NGEF: variants seen among roughly 807,000 people sequenced by gnomAD.
NGEF encodes the protein ephexin-1.
Under a neutral mutation model 80.9 loss-of-function variants are expected in NGEF, and 31 were observed. The observed-to-expected ratio is 0.38, with a 90% CI of 0.29 to 0.52. The LOEUF (loss-of-function observed/expected upper bound fraction) is 0.52, where lower values mean the gene tolerates loss of function less well. Ranked by LOEUF, NGEF falls within the 20% of genes least tolerant of loss-of-function variation. The pLI is 0.84. For missense variants in NGEF, 709 were observed against 926.2 expected, an observed-to-expected ratio of 0.77 and a Z score of 3.04; for synonymous variants, 371 against 370.2, an observed-to-expected ratio of 1.00 and a Z score of -0.03.
chr2:232,885,504 CCAGTCT>C, intron 9 of NGEF, 135 bp from the exon 10 acceptor site: 1 of 709,374 alleles, frequency 1.4e-6, no homozygotes, highest in Non-Finnish European at 2.4e-6. Flanking sequence ...GGCTGGCTGG[CCAGTCT>C]CAGTCGGACT....
At chr2:232,942,483 A>G (rs1454070867) in intron 3 of NGEF, among the ~76,000 whole-genome samples, 1 of 152,206 alleles carries the variant, frequency 6.6e-6, no homozygotes, top group African/African-American at 2.4e-5. Context: ...AGACAGGGAC[A>G]TCTTCCAGAC....
intron 3 of NGEF, among the ~76,000 whole-genome samples, chr2:232,932,770 G>A (rs551197949): frequency 3.3e-5 from 5 of 152,122 alleles, no homozygotes; most frequent in Non-Finnish European, 7.4e-5. Flanking sequence ...ATCCTCATGC[G>A]TTAGAAAGAG....
intron 4 of NGEF, among the ~76,000 whole-genome samples, chr2:232,926,632 T>C (rs1693073628): frequency 6.6e-6 from 1 of 152,108 alleles, no homozygotes; most frequent in Non-Finnish European, 1.5e-5. Context: ...CGCCTCCTCC[T>C]CTAGCCCAAC....
At chr2:232,932,854 A>G (rs536960926) in intron 3 of NGEF, among the ~76,000 whole-genome samples, 1 of 152,150 alleles carries the variant, frequency 6.6e-6, no homozygotes, top group African/African-American at 2.4e-5. Flanking sequence ...CTTTAATCCC[A>G]GCACTTTGAA....
chr2:232,928,017 G>T, intron 3 of NGEF: 1 of 1,210,526 alleles, frequency 8.3e-7, no homozygotes, highest in Non-Finnish European at 1.0e-6. Context: ...GCGGCGGGGC[G>T]GGTGCGGGGG....
intron 12 of NGEF, among the ~76,000 whole-genome samples, chr2:232,882,498 G>A: frequency 6.6e-6 from 1 of 152,372 alleles, no homozygotes; most frequent in African/African-American, 2.4e-5. Flanking sequence ...ATGTTCCCCT[G>A]TGATGCTTTC....
At chr2:232,972,405 T>C (rs899680761) in intron 2 of NGEF, among the ~76,000 whole-genome samples, 3 of 152,240 alleles carry the variant, frequency 2.0e-5, no homozygotes, top group African/African-American at 4.8e-5. Flanking sequence ...CCCATTTATT[T>C]GTACTTTTTA....
chr2:232,887,217 A>G (rs1277457527), intron 9 of NGEF, among the ~76,000 whole-genome samples: 1 of 152,196 alleles, frequency 6.6e-6, no homozygotes, highest in Non-Finnish European at 1.5e-5. Flanking sequence ...GTGCCCTAGC[A>G]CAGCTGTCAA....
chr2:232,957,290 G>C (rs1440858336), intron 3 of NGEF, among the ~76,000 whole-genome samples: 1 of 152,106 alleles, frequency 6.6e-6, no homozygotes, highest in Non-Finnish European at 1.5e-5. Context: ...CCCAGAGCCT[G>C]TTGTTGCTGT....
chr2:232,934,609 C>G (rs1693291215), intron 3 of NGEF, among the ~76,000 whole-genome samples: 1 of 152,168 alleles, frequency 6.6e-6, no homozygotes, highest in African/African-American at 2.4e-5. Context: ...TTAAAATCTC[C>G]TTTTAACTGA....
intron 5 of NGEF, among the ~76,000 whole-genome samples, chr2:232,919,477 TC>T (rs1692888249): frequency 6.6e-6 from 1 of 152,090 alleles, no homozygotes; most frequent in Admixed American, 6.6e-5. Context: ...TTTTTAAATT[TC>T]ACAATTAACA....
chr2:232,883,113 G>A (rs1276846976), intron 12 of NGEF, among the ~76,000 whole-genome samples, 198 bp downstream of exon 12: 2 of 151,994 alleles, frequency 1.3e-5, no homozygotes, highest in Admixed American at 6.5e-5. Flanking sequence ...ACGCGTACAC[G>A]CATCCAGGAA....
At position 232,879,625 on chromosome 2, in the gene NGEF, G is replaced by T; in HGVS notation, c.1997C>A (p.Ser666Tyr). The T allele has an allele frequency of 6.2e-7, 1 of 1,613,492 alleles. No individual in the cohort carries two copies. ...HDQERGWFPSSMTEEILNPKI... is the reference protein window; with the variant it reads ...HDQERGWFPSYMTEEILNPKI... ...GGGATTCAAGATCTCCTCAGTCATG[G>T]AGCTGGGGAACCAGCCTCTCTCCTG... The change falls in exon 15 of 15, where the codon TCC becomes TAC. Residue 666 changes from serine to tyrosine, a missense_variant. Coordinates refer to ENST00000264051, the MANE Select transcript of NGEF (RefSeq NM_019850.3).
intron 3 of NGEF, among the ~76,000 whole-genome samples, chr2:232,955,766 G>A (rs1490775101): frequency 1.3e-5 from 2 of 152,116 alleles, no homozygotes; most frequent in African/African-American, 4.8e-5. Context: ...TGATCCACTC[G>A]CCTCGGCCTC....
intron 1 of NGEF, among the ~76,000 whole-genome samples, chr2:232,985,781 A>C (rs1694520612): frequency 6.7e-6 from 1 of 148,466 alleles, no homozygotes; most frequent in Non-Finnish European, 1.5e-5. Context: ...CAAAACAAAA[A>C]CCCAAAAATT....
rs138097415 is a variant in NGEF at position 232,952,173 on chromosome 2, G to A, written c.383+18041C>T. Among the ~76,000 whole-genome samples the A allele has an allele frequency of 2.3e-3, 354 of 152,300 alleles. 2 individuals carry two copies. The highest frequency in any genetic ancestry group is 8.1e-3 in the African/African-American group (338 of 41,556). On this transcript the variant is annotated intron_variant, in intron 3 of 14. Transcript: ENST00000264051. Reference sequence around the variant, plus strand: ...ACTCGCCCTGCATGGTGACTCAGGCGGATCTTCAGATATAAAGCCTGAGTA... The same window carrying A: ...ACTCGCCCTGCATGGTGACTCAGGCAGATCTTCAGATATAAAGCCTGAGTA...
intron 3 of NGEF, among the ~76,000 whole-genome samples, chr2:232,944,434 G>C (rs980459352): frequency 2.0e-4 from 31 of 152,132 alleles, no homozygotes; most frequent in African/African-American, 7.5e-4. Context: ...TAAGGAGACT[G>C]GTTGAATGAA....
intron 5 of NGEF, among the ~76,000 whole-genome samples, chr2:232,900,891 C>T (rs1310904884): frequency 7.2e-5 from 11 of 152,232 alleles, no homozygotes; most frequent in African/African-American, 2.7e-4. Flanking sequence ...GGTGAGCAGG[C>T]CCCCTCTCAG....
intron 1 of NGEF, among the ~76,000 whole-genome samples, chr2:232,982,595 C>T (rs1694456292): frequency 1.3e-5 from 2 of 152,176 alleles, no homozygotes; most frequent in Admixed American, 6.5e-5. Context: ...CTAACTGCAA[C>T]CTCCACCTCC....
Sources: allele counts gnomAD v4.1 joint callset (sites outside exome capture counted in the v4.1 genomes callset), GRCh38; gene constraint gnomAD v4.1.1; transcripts MANE v1.5; gene names NCBI Gene and HGNC (gene_info 2026-07-23, HGNC 2026-07-21).